Variants in SLC35F6 observed in about 807,000 individuals in gnomAD.
SLC35F6 encodes solute carrier family 35 member F6, also known as ANT2-binding protein.
Under a neutral mutation model 29.4 loss-of-function variants are expected in SLC35F6, and 26 were observed. The ratio of observed to expected loss-of-function variants is 0.89; its 90% CI spans 0.65 to 1.23. The LOEUF is 1.23. Ranked by LOEUF, SLC35F6 falls within the 50% of genes most tolerant of loss-of-function variation. The probability of loss-of-function intolerance (pLI) is 0.00; values close to 1 mark genes in which losing one functional copy is unlikely to be tolerated. For missense variants in SLC35F6, 428 were observed against 487.8 expected (o/e 0.88, Z 1.15); for synonymous variants, 174 against 206.6 (o/e 0.84, Z 1.35).
At chr2:26,771,169 A>G (rs140205429) in intron 1 of SLC35F6, among the ~76,000 whole-genome samples, 1 of 152,348 alleles carries the variant, frequency 6.6e-6, no homozygotes, top group Non-Finnish European at 1.5e-5. Context: ...CAGCTCCCCA[A>G]GAAGCGCCCC....
intron 1 of SLC35F6, among the ~76,000 whole-genome samples, chr2:26,770,757 A>G (rs1475031520): frequency 3.9e-5 from 6 of 152,124 alleles, no homozygotes; most frequent in African/African-American, 1.4e-4. Context: ...ACAACAAACA[A>G]CAAACGTTGT....
chr2:26,774,104 G>A (rs1349487199), intron 1 of SLC35F6, 147 bp from the exon 2 acceptor site: 7 of 734,600 alleles, frequency 9.5e-6, no homozygotes, highest in East Asian at 2.6e-5. Context: ...AACTCCTTGA[G>A]GTGAAGACTG....
At position 26,780,905 on chromosome 2, in the gene SLC35F6, A is replaced by T. The variant is rs917658336; in HGVS notation, c.*2394A>T. The stretch of plus-strand genomic sequence containing the variant: ...AGGGAAGGGAGCTGTTGACAAGTGA[A>T]GCCCTCAGGTTGTGTGGGATTCCAG... On this transcript the variant is annotated 3_prime_UTR_variant, in exon 6 of 6. Transcript: ENST00000344420. The T allele has an allele frequency of 1.3e-5, 2 of 152,194 alleles. No homozygotes were observed. Among genetic ancestry groups the T allele is most frequent in the African/African-American group, 2.4e-5 (1 of 41,440 alleles). The allele number at this position is 152,194 out of a possible 1,614,324, so 9.4% of individuals were successfully genotyped here. A position where few individuals can be genotyped will look rare whatever the true frequency, so the allele number is the denominator to read the frequency against.
intron 1 of SLC35F6, among the ~76,000 whole-genome samples, chr2:26,769,166 C>A (rs1664147353): frequency 6.6e-6 from 1 of 152,244 alleles, no homozygotes; most frequent in Non-Finnish European, 1.5e-5. Flanking sequence ...CCAAGCCAGC[C>A]CCATCGCCAC....
intron 1 of SLC35F6, among the ~76,000 whole-genome samples, chr2:26,771,622 TG>T (rs919233603): frequency 6.6e-6 from 1 of 152,206 alleles, no homozygotes; most frequent in African/African-American, 2.4e-5. Context: ...CCCTTACCCA[TG>T]TTCCATGTCC....
chr2:26,776,455 C>T lies in SLC35F6; in HGVS notation c.619C>T (p.His207Tyr), dbSNP rs768906188. ...GAAGTTCGTCTACAAACACAATGTGCACCCACTGCGGGCAGTTGGCACTGA... is the reference window on the plus strand; with the variant it reads ...GAAGTTCGTCTACAAACACAATGTGTACCCACTGCGGGCAGTTGGCACTGA... ...EEKFVYKHNVHPLRAVGTEGL... is the reference protein window; with the variant it reads ...EEKFVYKHNVYPLRAVGTEGL... Residue 207 changes from histidine to tyrosine, a missense_variant, in exon 5 of 6, where the codon CAC becomes TAC. Coordinates refer to ENST00000344420, the MANE Select transcript of SLC35F6 (RefSeq NM_017877.4). 3.7e-6 allele frequency: 6 copies of T among 1,614,186 alleles called. No individual in the cohort carries two copies. Among genetic ancestry groups the T allele is most frequent in the Non-Finnish European group, 5.1e-6 (6 of 1,180,020 alleles).
At chr2:26,766,422 A>T (rs1312113719) in intron 1 of SLC35F6, among the ~76,000 whole-genome samples, 2 of 152,130 alleles carry the variant, frequency 1.3e-5, no homozygotes, top group African/African-American at 4.8e-5. Flanking sequence ...ATATGGTGAA[A>T]CTGCATCTCT....
intron 1 of SLC35F6, chr2:26,764,706 C>A: frequency 1.3e-6 from 1 of 798,140 alleles, no homozygotes; most frequent in Non-Finnish European, 1.5e-6. Context: ...TTCCTTTCCA[C>A]GGCCCTTCCA....
At chr2:26,774,934 G>A in intron 2 of SLC35F6, 110 bp from the exon 3 acceptor site, 1 of 1,269,876 alleles carries the variant, frequency 7.9e-7, no homozygotes, top group Admixed American at 2.8e-5. Flanking sequence ...TTACATATTG[G>A]GGTTCTGGGT....
At chr2:26,767,977 C>T (rs1664126539) in intron 1 of SLC35F6, among the ~76,000 whole-genome samples, 1 of 152,206 alleles carries the variant, frequency 6.6e-6, no homozygotes, top group South Asian at 2.1e-4. Context: ...AGCCTGACTT[C>T]CTTTCATGCC....
intron 1 of SLC35F6, among the ~76,000 whole-genome samples, chr2:26,766,179 CAAG>C (rs1664092718): frequency 6.6e-6 from 1 of 152,192 alleles, no homozygotes; most frequent in East Asian, 1.9e-4. Flanking sequence ...CCTCCCACCC[CAAG>C]ATGGGCCCCC....
chr2:26,778,253 A>G lies in SLC35F6; in HGVS notation c.858A>G (p.Glu286=), dbSNP rs761682671. Residue 286 remains glutamate (E), a synonymous_variant, in exon 6 of 6, where the codon GAA becomes GAG. Transcript: ENST00000344420. ...TCGCAGGCATCAGCGTCACCAAGGAACTGAGCGCCACCACCCGCATGGTGT... is the reference window on the plus strand; with the variant it reads ...TCGCAGGCATCAGCGTCACCAAGGAGCTGAGCGCCACCACCCGCATGGTGT... ...FNFAGISVTK[E]LSATTRMVLD... 4 of 1,614,138 alleles carry G rather than the reference A, an allele frequency of 2.5e-6. No individual in the cohort carries two copies. The highest frequency in any genetic ancestry group is 3.4e-6 in the Non-Finnish European group (4 of 1,180,028).
rs1277979257 is a variant in SLC35F6, at chr2:26,776,432, A to C, written c.596A>C (p.Lys199Thr). Residue 199 changes from lysine to threonine, a missense_variant, in exon 5 of 6, where the codon AAG (lysine) becomes ACG (threonine). Coordinates refer to ENST00000344420, the MANE Select transcript of SLC35F6 (RefSeq NM_017877.4). ...GCCATCCAGATGGTGCTAGAGGAGA[A>C]GTTCGTCTACAAACACAATGTGCAC... ...IVAIQMVLEE[K>T]FVYKHNVHPL... 6.2e-7 allele frequency: 1 copy of C among 1,614,172 alleles called. No homozygotes were observed. Among genetic ancestry groups the C allele is most frequent in the Non-Finnish European group, 8.5e-7 (1 of 1,180,024 alleles).
chr2:26,776,617 C>A, intron 5 of SLC35F6, 135 bp downstream of exon 5: 1 of 721,972 alleles, frequency 1.4e-6, no homozygotes, highest in Non-Finnish European at 2.3e-6. Flanking sequence ...TGTGTTTTGA[C>A]AAGTCTTCTG....
intron 1 of SLC35F6, among the ~76,000 whole-genome samples, chr2:26,770,534 A>G (rs987966222): frequency 1.3e-5 from 2 of 152,162 alleles, no homozygotes; most frequent in Admixed American, 1.3e-4. Context: ...CCTGGCCAAC[A>G]TGGTGAAACT....
intron 1 of SLC35F6, among the ~76,000 whole-genome samples, chr2:26,765,215 T>C (rs1664075937): frequency 6.6e-6 from 1 of 152,206 alleles, no homozygotes; most frequent in Non-Finnish European, 1.5e-5. Flanking sequence ...GCCACAGGCC[T>C]GACCCACATG....
chr2:26,770,755 C>G (rs1664183637), intron 1 of SLC35F6, among the ~76,000 whole-genome samples: 1 of 152,074 alleles, frequency 6.6e-6, no homozygotes, highest in African/African-American at 2.4e-5. Context: ...AGACAACAAA[C>G]AACAAACGTT....
At chr2:26,769,999 A>G (rs991648564) in intron 1 of SLC35F6, among the ~76,000 whole-genome samples, 9 of 152,154 alleles carry the variant, frequency 5.9e-5, no homozygotes, top group Admixed American at 2.0e-4. Context: ...AAATTCAAGC[A>G]AGGTTTAACC....
rs201263944 is a variant in SLC35F6, at chr2:26,765,919, T to C, written c.77+1493T>C. ...CCTCTGTCAAGTGCTTAGAGAGCGG[T>C]TGTAAGTCCACCAGGGCTGCTGCCC... On this transcript the variant is annotated intron_variant, in intron 1 of 5. Transcript: ENST00000344420. Among the ~76,000 whole-genome samples, 21 of 152,318 alleles carry C rather than the reference T, an allele frequency of 1.4e-4. No individual in the cohort carries two copies. The East Asian group carries it at 3.9e-3, about 28-fold the overall frequency.
Sources: allele counts gnomAD v4.1 joint callset (sites outside exome capture counted in the v4.1 genomes callset), GRCh38; gene constraint gnomAD v4.1.1; transcripts MANE v1.5; gene names NCBI Gene and HGNC (gene_info 2026-07-23, HGNC 2026-07-21).